Variants in EPS8 observed in about 807,000 individuals in gnomAD.
EPS8 encodes epidermal growth factor receptor kinase substrate 8.
A neutral mutation model predicts 103.8 loss-of-function variants in EPS8; 42 were observed. The observed-to-expected ratio is 0.40, with a 90% confidence interval of 0.32 to 0.52. The LOEUF (loss-of-function observed/expected upper bound fraction) is 0.52. EPS8 is among the 20% of genes least tolerant of loss of function. The pLI is 0.40. For synonymous variants in EPS8, 344 were observed against 344.6 expected, an observed-to-expected ratio of 1.00 and a Z score of 0.02; for missense variants, 969 against 1,005.1, an observed-to-expected ratio of 0.96 and a Z score of 0.49.
rs538335269 is a variant in EPS8, at chr12:15,731,069, A to G, written c.-21-48097T>C. On this transcript the variant is annotated intron_variant, in intron 1 of 20. Transcript: ENST00000281172. The surrounding 1 kb of genome is among the most constrained non-coding windows in gnomAD (Gnocchi z 5.1). ...GTGCAAAAAGTTCAGTCAAAAATAT[A>G]TATCATAGTACCTTAAAGGCATATC... Among the ~76,000 whole-genome samples the G allele has an allele frequency of 7.2e-5, 11 of 152,324 alleles. No homozygotes were observed. The East Asian group carries it at 1.9e-3, about 27-fold the overall frequency.
intron 15 of EPS8, among the ~76,000 whole-genome samples, chr12:15,643,737 C>A: frequency 1.9e-5 from 1 of 53,148 alleles, no homozygotes; most frequent in Non-Finnish European, 3.6e-5. Context: ...AAAACTCTGT[C>A]TCGAAAAAAA....
In EPS8 at chr12:15,768,470, G is replaced by A. The variant is rs73054964; in HGVS notation, c.-22+20691C>T. On this transcript the variant is annotated intron_variant, in intron 1 of 20. Transcript: ENST00000281172. ...AAAAAAAAAAAGAATTTTAAGAGCAGAGGTAGTGAGATAAGTTCCCCAACA... is the reference window on the plus strand; with the variant it reads ...AAAAAAAAAAAGAATTTTAAGAGCAAAGGTAGTGAGATAAGTTCCCCAACA... 8.6e-3 allele frequency among the ~76,000 whole-genome samples: 1,239 copies of A among 144,862 alleles called. 5 individuals are homozygous for A. Among genetic ancestry groups the A allele is most frequent in the Non-Finnish European group, 0.014 (907 of 66,614 alleles).
Position 15,696,710 on chromosome 12 carries a change from C to G in EPS8, c.-21-13738G>C, listed in dbSNP as rs1191468007. On this transcript the variant is annotated intron_variant, in intron 1 of 20. Transcript: ENST00000281172. The surrounding 1 kb of genome is among the most constrained non-coding windows in gnomAD (Gnocchi z 4.8). Reference sequence around the variant, plus strand: ...GAAAAACACCTGAACTACTATTCCACTTGGGAAGAAATGGGACTTTTTTTA... The same window carrying G: ...GAAAAACACCTGAACTACTATTCCAGTTGGGAAGAAATGGGACTTTTTTTA... Among the ~76,000 whole-genome samples the G allele has an allele frequency of 6.6e-6, 1 of 152,058 alleles. No individual in the cohort carries two copies. Among genetic ancestry groups the G allele is most frequent in the African/African-American group, 2.4e-5 (1 of 41,404 alleles).
Position 15,734,823 on chromosome 12 carries a change from C to T in EPS8, c.-21-51851G>A, listed in dbSNP as rs2135998482. On this transcript the variant is annotated intron_variant, in intron 1 of 20. Transcript: ENST00000281172. This position sits in a 1 kb window ranked among gnomAD's most constrained non-coding sequence, Gnocchi z 4.1. ...TCACGATATTAATACTTCTACCTTACATTGTTCATAATAAAATACTTTCAT... is the reference window on the plus strand; with the variant it reads ...TCACGATATTAATACTTCTACCTTATATTGTTCATAATAAAATACTTTCAT... Among the ~76,000 whole-genome samples, 1 of 152,332 alleles carries T rather than the reference C, an allele frequency of 6.6e-6. No homozygotes were observed. The highest frequency in any genetic ancestry group is 6.5e-5 in the Admixed American group (1 of 15,306).
chr12:15,731,364 T>C lies in EPS8; in HGVS notation c.-21-48392A>G, dbSNP rs1235024594. Among the ~76,000 whole-genome samples the C allele has an allele frequency of 6.6e-6, 1 of 152,118 alleles. No homozygotes were observed. The highest frequency in any genetic ancestry group is 1.5e-5 in the Non-Finnish European group (1 of 68,008). On this transcript the variant is annotated intron_variant, in intron 1 of 20. Transcript: ENST00000281172. This position sits in a 1 kb window ranked among gnomAD's most constrained non-coding sequence, Gnocchi z 5.1. ...CCCAGGCTGAAGTGCAATGGCACAA[T>C]CTCGGCTCACTGCAACCTCAGCTTC... is the stretch of plus-strand genomic sequence containing the variant.
At chr12:15,654,019 GGGTTTA>G in intron 13 of EPS8, 120 bp downstream of exon 13, 3 of 849,420 alleles carry the variant, frequency 3.5e-6, no homozygotes, top group Non-Finnish European at 5.5e-6. Flanking sequence ...TAGCCTTTAA[GGGTTTA>G]GGTTTTTTCA....
chr12:15,658,785 C>T (rs567546476), intron 10 of EPS8, among the ~76,000 whole-genome samples, 200 bp from the exon 11 acceptor site: 3 of 152,252 alleles, frequency 2.0e-5, no homozygotes, highest in South Asian at 4.1e-4. Flanking sequence ...TATCCTTAGG[C>T]ACTACAAATT....
chr12:15,763,348 T>C (rs1325130438), intron 1 of EPS8, among the ~76,000 whole-genome samples: 7 of 152,104 alleles, frequency 4.6e-5, no homozygotes, highest in Admixed American at 4.6e-4. Context: ...AGGAATACAA[T>C]ATTCAACAAC....
chr12:15,730,535 A>G (rs1376383571), intron 1 of EPS8, among the ~76,000 whole-genome samples: 2 of 152,198 alleles, frequency 1.3e-5, no homozygotes, highest in Non-Finnish European at 2.9e-5. Context: ...GAACTAGACT[A>G]TAATTGTCTG....
chr12:15,755,473 T>C (rs1232981486), intron 1 of EPS8, among the ~76,000 whole-genome samples: 1 of 152,190 alleles, frequency 6.6e-6, no homozygotes, highest in Admixed American at 6.5e-5. Flanking sequence ...TCTGAGCCTG[T>C]TTCTTTCATA....
rs112939860 is a variant in EPS8, at chr12:15,688,456, T to G, written c.-21-5484A>C. 0.068 allele frequency among the ~76,000 whole-genome samples: 10,277 copies of G among 152,126 alleles called. 1,159 individuals carry two copies. The highest frequency in any genetic ancestry group is 0.23 in the African/African-American group (9,534 of 41,426). On this transcript the variant is annotated intron_variant, in intron 1 of 20. Coordinates refer to ENST00000281172, the MANE Select transcript of EPS8 (RefSeq NM_004447.6). This position sits in a 1 kb window ranked among gnomAD's most constrained non-coding sequence, Gnocchi z 5.1. ...CATTTTTGTTTTCCTGCCCAAATGT[T>G]GCATTTCCCAAGACCAGCCTGGCTT...
rs1946158988 is a variant in EPS8, at chr12:15,690,647, G to A, written c.-21-7675C>T. On this transcript the variant is annotated intron_variant, in intron 1 of 20. Transcript: ENST00000281172. This position sits in a 1 kb window ranked among gnomAD's most constrained non-coding sequence, Gnocchi z 4.7. The stretch of plus-strand genomic sequence containing the variant: ...TGGCCAGCAGAATGATTATATGGGG[G>A]AATGTAATTGCTTTCTAACAGAATA... Among the ~76,000 whole-genome samples, 1 of 152,128 alleles carries A rather than the reference G, an allele frequency of 6.6e-6. No homozygotes were observed. The highest frequency in any genetic ancestry group is 1.5e-5 in the Non-Finnish European group (1 of 68,020).
intron 13 of EPS8, among the ~76,000 whole-genome samples, chr12:15,652,707 T>G (rs1429195559): frequency 1.3e-5 from 2 of 152,172 alleles, no homozygotes; most frequent in Non-Finnish European, 2.9e-5. Flanking sequence ...AATGTAAATA[T>G]TTTCAATTTA....
intron 1 of EPS8, among the ~76,000 whole-genome samples, chr12:15,754,233 G>GA (rs750888299): frequency 0.045 from 5,946 of 131,118 alleles, 348 homozygotes; most frequent in African/African-American, 0.15. Flanking sequence ...GTTCCATTTG[G>GA]AAAAAAAAAA....
In EPS8 at chr12:15,761,082, A is replaced by C. The variant is rs1449070332; in HGVS notation, c.-22+28079T>G. 1.3e-5 allele frequency among the ~76,000 whole-genome samples: 2 copies of C among 152,154 alleles called. No individual in the cohort carries two copies. Among genetic ancestry groups the C allele is most frequent in the Non-Finnish European group, 2.9e-5 (2 of 67,984 alleles). ...ACATCAAAAACTATTAAAACTGATA[A>C]ATTCATTAAAGTTGCAGTATATATA... On this transcript the variant is annotated intron_variant, in intron 1 of 20. Coordinates refer to ENST00000281172, the MANE Select transcript of EPS8 (RefSeq NM_004447.6). The surrounding 1 kb of genome is among the most constrained non-coding windows in gnomAD (Gnocchi z 4.5).
chr12:15,765,504 A>G (rs770330589), intron 1 of EPS8, among the ~76,000 whole-genome samples: 1 of 152,186 alleles, frequency 6.6e-6, no homozygotes, highest in Non-Finnish European at 1.5e-5. Context: ...TGCACCCAGA[A>G]AGAGAGAAGA....
intron 9 of EPS8, 117 bp downstream of exon 9, chr12:15,661,907 TAA>T (rs1945611808): frequency 2.7e-6 from 2 of 749,792 alleles, no homozygotes; most frequent in Non-Finnish European, 4.5e-6. Flanking sequence ...CCATCACAGG[TAA>T]CAGAAAACAT....
In EPS8 at chr12:15,777,703, T is replaced by G. The variant is rs1947221133; in HGVS notation, c.-22+11458A>C. 6.6e-6 allele frequency among the ~76,000 whole-genome samples: 1 copy of G among 152,172 alleles called. No individual in the cohort carries two copies. Among genetic ancestry groups the G allele is most frequent in the Non-Finnish European group, 1.5e-5 (1 of 68,024 alleles). ...AGTTATGAAAAATATACTTTTCTAT[T>G]AAAGCCATCTGAGGATTGAAAAAGG... On this transcript the variant is annotated intron_variant, in intron 1 of 20. Coordinates refer to ENST00000281172, the MANE Select transcript of EPS8 (RefSeq NM_004447.6). This position sits in a 1 kb window ranked among gnomAD's most constrained non-coding sequence, Gnocchi z 4.7.
At chr12:15,730,983 A>T (rs1946709463) in intron 1 of EPS8, among the ~76,000 whole-genome samples, 2 of 152,240 alleles carry the variant, frequency 1.3e-5, no homozygotes, top group South Asian at 4.1e-4. Context: ...ATACTGCTTT[A>T]AAAATAGATT....
Sources: allele counts gnomAD v4.1 joint callset (sites outside exome capture counted in the v4.1 genomes callset), GRCh38; gene constraint gnomAD v4.1.1; non-coding constraint Gnocchi (gnomAD v3.1); transcripts MANE v1.5; gene names NCBI Gene and HGNC (gene_info 2026-07-23, HGNC 2026-07-21).